Variants in POT1 observed in about 807,000 individuals in gnomAD.
POT1 encodes protection of telomeres 1.
POT1 carries 47 observed loss-of-function variants against 78.5 expected under a neutral mutation model. The observed-to-expected ratio is 0.60, with a 90% CI of 0.47 to 0.76. The LOEUF (loss-of-function observed/expected upper bound fraction) is 0.76. Among genes scored for constraint, POT1 ranks in the 30% least tolerant of loss-of-function variants. POT1 has a pLI of 0.00. For missense variants in POT1, 646 were observed against 749.9 expected (o/e 0.86, Z 1.62); for synonymous variants, 259 against 260.7 (o/e 0.99, Z 0.06).
At chr7:124,835,769 A>T (rs1021125833) in intron 14 of POT1, among the ~76,000 whole-genome samples, 2 of 152,230 alleles carry the variant, frequency 1.3e-5, no homozygotes, top group Non-Finnish European at 2.9e-5. Flanking sequence ...TTTGCTATAT[A>T]CTAATTAATA....
intron 11 of POT1, among the ~76,000 whole-genome samples, chr7:124,847,406 A>G (rs1307082907): frequency 6.6e-6 from 1 of 152,210 alleles, no homozygotes; most frequent in Non-Finnish European, 1.5e-5. Context: ...AGGCATGAGA[A>G]TCACTTGAAC....
intron 12 of POT1, among the ~76,000 whole-genome samples, chr7:124,844,825 A>G (rs932951179): frequency 2.6e-5 from 4 of 151,886 alleles, no homozygotes; most frequent in African/African-American, 9.6e-5. Flanking sequence ...CTTCAAACTC[A>G]TATTTTAACC....
chr7:124,857,336 G>A (rs1201738142), intron 9 of POT1, among the ~76,000 whole-genome samples: 1 of 152,238 alleles, frequency 6.6e-6, no homozygotes. Flanking sequence ...GATAGGGACA[G>A]GAGGCAGGGA....
intron 2 of POT1, among the ~76,000 whole-genome samples, chr7:124,918,547 T>C (rs1797072631): frequency 6.6e-6 from 1 of 152,126 alleles, no homozygotes; most frequent in African/African-American, 2.4e-5. Flanking sequence ...ATGTCAACAG[T>C]TTTACCTACA....
intron 13 of POT1, among the ~76,000 whole-genome samples, chr7:124,842,300 T>C (rs978741692): frequency 3.9e-5 from 6 of 152,000 alleles, no homozygotes; most frequent in African/African-American, 1.4e-4. Flanking sequence ...TATATACATT[T>C]ATTACATATT....
At chr7:124,837,049 T>C (rs1030089841) in intron 14 of POT1, among the ~76,000 whole-genome samples, 1 of 152,210 alleles carries the variant, frequency 6.6e-6, no homozygotes, top group Admixed American at 6.5e-5. Context: ...GAGCAATTTA[T>C]TTGCAATCAG....
At chr7:124,833,234 A>G (rs1221265982) in intron 15 of POT1, among the ~76,000 whole-genome samples, 1 of 152,170 alleles carries the variant, frequency 6.6e-6, no homozygotes, top group Non-Finnish European at 1.5e-5. Context: ...CTTTCGCTTT[A>G]TGGCTAAAAT....
chr7:124,844,810 A>C (rs923855156), intron 12 of POT1, among the ~76,000 whole-genome samples: 3 of 151,850 alleles, frequency 2.0e-5, no homozygotes, highest in African/African-American at 7.3e-5. Context: ...TGATAAGAGC[A>C]ATTGCTTCAA....
chr7:124,863,965 A>G (rs1478709130), intron 7 of POT1, among the ~76,000 whole-genome samples: 1 of 152,128 alleles, frequency 6.6e-6, no homozygotes, highest in African/African-American at 2.4e-5. Flanking sequence ...GGTGTAATTT[A>G]TACAAGGAAA....
intron 6 of POT1, among the ~76,000 whole-genome samples, chr7:124,885,563 G>A (rs1420672362): frequency 1.3e-5 from 2 of 151,938 alleles, no homozygotes; most frequent in East Asian, 1.9e-4. Context: ...TCAGGAGATC[G>A]AGACCATCCT....
At chr7:124,897,508 G>C (rs1313233769) in intron 4 of POT1, among the ~76,000 whole-genome samples, 3 of 151,846 alleles carry the variant, frequency 2.0e-5, no homozygotes, top group Non-Finnish European at 2.9e-5. Context: ...ACAGTTCTCA[G>C]GATAGAATGT....
At chr7:124,853,195 T>C (rs1270151705) in intron 9 of POT1, 57 bp from the exon 10 acceptor site, 8 of 1,340,118 alleles carry the variant, frequency 6.0e-6, no homozygotes, top group Non-Finnish European at 8.2e-6. Flanking sequence ...ATACTTCTGA[T>C]ATTTAAAACT....
intron 4 of POT1, among the ~76,000 whole-genome samples, chr7:124,897,962 T>C (rs1387473094): frequency 1.3e-5 from 2 of 152,084 alleles, no homozygotes; most frequent in East Asian, 3.9e-4. Flanking sequence ...TGAAATCAAG[T>C]AGAACAAAGT....
At chr7:124,890,178 G>A (rs1292604307) in intron 6 of POT1, among the ~76,000 whole-genome samples, 1 of 151,916 alleles carries the variant, frequency 6.6e-6, no homozygotes, top group Non-Finnish European at 1.5e-5. Flanking sequence ...TGACTTTGAG[G>A]GGTTCAAGAC....
At chr7:124,910,073 G>A (rs1268332340) in intron 3 of POT1, among the ~76,000 whole-genome samples, 7 of 151,734 alleles carry the variant, frequency 4.6e-5, no homozygotes. Flanking sequence ...ACAAAAGCAT[G>A]TGCACATATA....
At chr7:124,896,672 C>T (rs1271077412) in intron 5 of POT1, among the ~76,000 whole-genome samples, 1 of 151,552 alleles carries the variant, frequency 6.6e-6, no homozygotes, top group Non-Finnish European at 1.5e-5. Flanking sequence ...CTTCCTATTG[C>T]TATAAGGAAG....
chr7:124,901,645 G>A (rs772108573), intron 3 of POT1, among the ~76,000 whole-genome samples: 15 of 152,258 alleles, frequency 9.9e-5, no homozygotes, highest in Non-Finnish European at 2.1e-4. Context: ...ACAGCTCCTC[G>A]CCAGCAATGG....
chr7:124,918,992 C>T (rs1339726809), intron 2 of POT1, among the ~76,000 whole-genome samples: 2 of 152,044 alleles, frequency 1.3e-5, no homozygotes, highest in Non-Finnish European at 2.9e-5. Flanking sequence ...TGCTTAACAA[C>T]AGGGATACAT....
intron 18 of POT1, 64 bp downstream of exon 18, chr7:124,825,188 T>TACA (rs1251856254): frequency 9.6e-7 from 1 of 1,042,402 alleles, no homozygotes; most frequent in African/African-American, 1.6e-5. Context: ...GTCCACAGAG[T>TACA]ACATATATGT....
Sources: allele counts gnomAD v4.1 joint callset (sites outside exome capture counted in the v4.1 genomes callset), GRCh38; gene constraint gnomAD v4.1.1; transcripts MANE v1.5; gene names NCBI Gene and HGNC (gene_info 2026-07-23, HGNC 2026-07-21).